The following SLC22A23 variants were observed in gnomAD, a reference collection of about 807,000 sequenced individuals.
The protein encoded by SLC22A23 is ion transporter protein.
A neutral mutation model predicts 61.0 loss-of-function variants in SLC22A23; 26 were observed. The ratio of observed to expected loss-of-function variants is 0.43; its 90% CI spans 0.31 to 0.59. SLC22A23 has a LOEUF of 0.59. Ranked by LOEUF, SLC22A23 falls within the 20% of genes least tolerant of loss-of-function variation. The pLI, the probability that SLC22A23 is intolerant of heterozygous loss-of-function variation, is 0.11. For synonymous variants in SLC22A23, 430 were observed against 413.9 expected (o/e 1.04, Z -0.47); for missense variants, 796 against 934.7 (o/e 0.85, Z 1.94).
chr6:3,361,908 G>A (rs1765476616), intron 3 of SLC22A23, among the ~76,000 whole-genome samples: 1 of 152,172 alleles, frequency 6.6e-6, no homozygotes. Context: ...TTACAATCAG[G>A]CATGGAAAAT....
rs138451618 is a variant in SLC22A23, at chr6:3,372,520, G to A, written c.913+37668C>T. On this transcript the variant is annotated intron_variant, in intron 3 of 9. Transcript: ENST00000406686. The surrounding 1 kb of genome is among the most constrained non-coding windows in gnomAD (Gnocchi z 4.7). ...TCTTGTGTGGAAGGAACACATGTGG[G>A]CTGTGGAGTTCAGGGGCCAGACACC... is the stretch of plus-strand genomic sequence containing the variant. 6.6e-6 allele frequency among the ~76,000 whole-genome samples: 1 copy of A among 152,312 alleles called. No homozygotes were observed. The highest frequency in any genetic ancestry group is 1.9e-4 in the East Asian group (1 of 5,180).
At chr6:3,418,486 A>G (rs1769889469) in intron 1 of SLC22A23, among the ~76,000 whole-genome samples, 1 of 152,214 alleles carries the variant, frequency 6.6e-6, no homozygotes, top group Non-Finnish European at 1.5e-5. Context: ...GCTAGCTAAT[A>G]AGACATTCAG....
intron 3 of SLC22A23, among the ~76,000 whole-genome samples, chr6:3,383,676 G>C (rs1041918930): frequency 4.6e-5 from 7 of 152,016 alleles, no homozygotes; most frequent in Non-Finnish European, 1.0e-4. Context: ...TTCACCCTGA[G>C]AAAAAGTCAC....
intron 9 of SLC22A23, 107 bp from the exon 10 acceptor site, chr6:3,273,519 C>G (rs1311205643): frequency 2.5e-6 from 3 of 1,223,456 alleles, no homozygotes; most frequent in Non-Finnish European, 3.5e-6. Flanking sequence ...CCCTGCTGCC[C>G]TGGGCACTGC....
Position 3,308,892 on chromosome 6 carries a change from G to A in SLC22A23, c.1083-10674C>T, listed in dbSNP as rs998297404. 2.0e-5 allele frequency among the ~76,000 whole-genome samples: 3 copies of A among 152,074 alleles called. No homozygotes were observed. Among genetic ancestry groups the A allele is most frequent in the South Asian group, 2.1e-4 (1 of 4,812 alleles). On this transcript the variant is annotated intron_variant, in intron 4 of 9. Transcript: ENST00000406686. The surrounding 1 kb of genome is among the most constrained non-coding windows in gnomAD (Gnocchi z 5.1). ...TGGGAGGCAGAGGTTGCAGTGAGCC[G>A]AGATTGTGCCACTGCACTCCAGCCT...
At chr6:3,418,993 G>A (rs1476186553) in intron 1 of SLC22A23, among the ~76,000 whole-genome samples, 5 of 152,202 alleles carry the variant, frequency 3.3e-5, no homozygotes, top group African/African-American at 1.2e-4. Flanking sequence ...GTATGAGGAA[G>A]CTTTGAGGTC....
chr6:3,366,120 G>C (rs1407447736), intron 3 of SLC22A23, among the ~76,000 whole-genome samples: 1 of 151,946 alleles, frequency 6.6e-6, no homozygotes, highest in Non-Finnish European at 1.5e-5. Flanking sequence ...TACAAGGTCA[G>C]GAGATCGAGA....
chr6:3,359,095 T>C (rs1765284542), intron 3 of SLC22A23, among the ~76,000 whole-genome samples: 1 of 152,124 alleles, frequency 6.6e-6, no homozygotes, highest in South Asian at 2.1e-4. Context: ...TTTATTAATT[T>C]AGTGCAATAC....
In SLC22A23 at chr6:3,324,116, C is replaced by A; in HGVS notation, c.914-114G>T. 1 of 1,315,636 alleles carries A rather than the reference C, an allele frequency of 7.6e-7. No individual in the cohort carries two copies. The highest frequency in any genetic ancestry group is 1.1e-6 in the Non-Finnish European group (1 of 950,974). The allele number at this position is 1,315,636 out of a possible 1,614,324, so 81.5% of individuals were successfully genotyped here. The stretch of plus-strand genomic sequence containing the variant: ...ACCCACCAACGACTGAAATTGTTTT[C>A]ATCTGCTGCCCACCACAAGTGCCCT... On this transcript the variant is annotated intron_variant, in intron 3 of 9. Coordinates refer to ENST00000406686, the MANE Select transcript of SLC22A23 (RefSeq NM_015482.2). The surrounding 1 kb of genome is among the most constrained non-coding windows in gnomAD (Gnocchi z 4.3).
At chr6:3,393,611 T>C (rs1321561176) in intron 3 of SLC22A23, among the ~76,000 whole-genome samples, 1 of 152,168 alleles carries the variant, frequency 6.6e-6, no homozygotes, top group Non-Finnish European at 1.5e-5. Context: ...AGCGGGAAAA[T>C]GGCAGCAGAA....
In SLC22A23 at chr6:3,333,966, C is replaced by T. The variant is rs1454570550; in HGVS notation, c.914-9964G>A. Among the ~76,000 whole-genome samples the T allele has an allele frequency of 6.6e-6, 1 of 152,234 alleles. No homozygotes were observed. Among genetic ancestry groups the T allele is most frequent in the Non-Finnish European group, 1.5e-5 (1 of 68,040 alleles). On this transcript the variant is annotated intron_variant, in intron 3 of 9. Transcript: ENST00000406686. The surrounding 1 kb of genome is among the most constrained non-coding windows in gnomAD (Gnocchi z 4.1). ...GCGGATGAGGTTGGGAATGGTGATG[C>T]TGCTGCTTCAGGGAACACCCTTTGA...
chr6:3,398,516 G>A (rs140946007), intron 3 of SLC22A23, among the ~76,000 whole-genome samples: 1 of 135,556 alleles, frequency 7.4e-6, no homozygotes. Context: ...AAAACGAAAA[G>A]AAAATAACAG....
chr6:3,356,402 A>T (rs1561920824), intron 3 of SLC22A23, among the ~76,000 whole-genome samples: 1 of 151,744 alleles, frequency 6.6e-6, no homozygotes, highest in Non-Finnish European at 1.5e-5. Flanking sequence ...CATCTCAGAG[A>T]TGGCAGCGAC....
At chr6:3,369,280 TTCTAAAGGTCAC>T (rs1275015872) in intron 3 of SLC22A23, among the ~76,000 whole-genome samples, 4 of 152,310 alleles carry the variant, frequency 2.6e-5, no homozygotes, top group South Asian at 2.1e-4. Flanking sequence ...AGCCTGAGCA[TTCTAAAGGTCAC>T]TCTAAAGGTC....
chr6:3,301,775 T>C (rs1328088649), intron 4 of SLC22A23, among the ~76,000 whole-genome samples: 2 of 152,248 alleles, frequency 1.3e-5, no homozygotes, highest in Non-Finnish European at 2.9e-5. Flanking sequence ...TCAAGTCCTG[T>C]TCCTTGATTT....
chr6:3,392,516 G>C (rs1197593118), intron 3 of SLC22A23, among the ~76,000 whole-genome samples: 2 of 152,222 alleles, frequency 1.3e-5, no homozygotes, highest in Non-Finnish European at 2.9e-5. Flanking sequence ...GTAGAGGTCT[G>C]AACAGGAAGC....
At position 3,272,983 on chromosome 6, in the gene SLC22A23, G is replaced by A; in HGVS notation, c.*72C>T. 4.4e-6 allele frequency: 6 copies of A among 1,368,650 alleles called. No individual in the cohort carries two copies. Among genetic ancestry groups the A allele is most frequent in the Non-Finnish European group, 5.9e-6 (6 of 1,021,188 alleles). 84.8% of individuals were successfully genotyped at this position (1,368,650 alleles called of 1,614,324 possible). A position where few individuals can be genotyped will look rare whatever the true frequency, so the allele number is the denominator to read the frequency against. On this transcript the variant is annotated 3_prime_UTR_variant, in exon 10 of 10. Coordinates refer to ENST00000406686, the MANE Select transcript of SLC22A23 (RefSeq NM_015482.2). ...GCAGCTTTCCCACCCCTGGCTGCGT[G>A]TTCGGTCCCTGGTCTGTAAACCTGT... is the stretch of plus-strand genomic sequence containing the variant.
rs545292024 is a variant in SLC22A23, at chr6:3,324,745, C to G, written c.914-743G>C. Among the ~76,000 whole-genome samples the G allele has an allele frequency of 6.6e-6, 1 of 152,238 alleles. No homozygotes were observed. The highest frequency in any genetic ancestry group is 1.9e-4 in the East Asian group (1 of 5,206). On this transcript the variant is annotated intron_variant, in intron 3 of 9. Coordinates refer to ENST00000406686, the MANE Select transcript of SLC22A23 (RefSeq NM_015482.2). This position sits in a 1 kb window ranked among gnomAD's most constrained non-coding sequence, Gnocchi z 4.3. ...CTCTGTCTCTATTGGACACCACCCC[C>G]GGGCAAGGCCCATGTCTAATTCATC...
chr6:3,432,722 C>T (rs1212092082), intron 1 of SLC22A23, among the ~76,000 whole-genome samples: 2 of 152,148 alleles, frequency 1.3e-5, no homozygotes, highest in Non-Finnish European at 2.9e-5. Context: ...ACTTGAAGCC[C>T]TGGGAAAATC....
Sources: gnomAD v4.1 joint callset for allele counts (sites outside exome capture counted in the v4.1 genomes callset) on GRCh38, gnomAD v4.1.1 for gene constraint, Gnocchi (gnomAD v3.1) non-coding constraint, MANE v1.5 for transcripts, NCBI Gene and HGNC (gene_info 2026-07-23, HGNC 2026-07-21) for gene names.